DYTN: variants seen among roughly 807,000 people sequenced by gnomAD.
The protein encoded by DYTN is dystrotelin.
In DYTN, 75 loss-of-function variants were observed where a neutral mutation model predicts 69.6. That is an observed-to-expected ratio of 1.08 (90% CI 0.89 to 1.31). The LOEUF is 1.31. DYTN is among the 50% of genes most tolerant of loss of function. The pLI is 0.00. For missense variants in DYTN, 726 were observed against 688.4 expected (o/e 1.05, Z -0.61); for synonymous variants, 252 against 249.1 (o/e 1.01, Z -0.11).
At chr2:206,690,269 G>T (rs1166388290) in intron 9 of DYTN, among the ~76,000 whole-genome samples, 1 of 152,188 alleles carries the variant, frequency 6.6e-6, no homozygotes, top group Non-Finnish European at 1.5e-5. Flanking sequence ...AGCATGCCTG[G>T]TGTATTCATG....
At chr2:206,653,417 T>C (rs1038197485) in intron 11 of DYTN, among the ~76,000 whole-genome samples, 4 of 152,170 alleles carry the variant, frequency 2.6e-5, no homozygotes, top group Non-Finnish European at 5.9e-5. Context: ...ATATAGCACA[T>C]AGGCAGAGAC....
intron 9 of DYTN, chr2:206,670,559 G>C (rs560855641): frequency 4.0e-5 from 6 of 151,480 alleles, no homozygotes; most frequent in Non-Finnish European, 7.4e-5. Context: ...TGCTGACCAT[G>C]GTCTAGAGAA....
chr2:206,718,026 C>A (rs758936360), intron 1 of DYTN, among the ~76,000 whole-genome samples: 12 of 152,098 alleles, frequency 7.9e-5, no homozygotes, highest in Non-Finnish European at 1.5e-4. Flanking sequence ...GACATCAAGT[C>A]TTTTGTTAGA....
At chr2:206,717,754 C>T (rs576824853) in intron 1 of DYTN, among the ~76,000 whole-genome samples, 3 of 152,100 alleles carry the variant, frequency 2.0e-5, no homozygotes, top group Non-Finnish European at 4.4e-5. Context: ...AATAGAAATC[C>T]CACAGATCAG....
At position 206,690,980 on chromosome 2, in the gene DYTN, G is replaced by A. The variant is rs142084042; in HGVS notation, c.980+2195C>T. On this transcript the variant is annotated intron_variant, in intron 9 of 11. Coordinates refer to ENST00000452335, the MANE Select transcript of DYTN (RefSeq NM_001093730.1). Reference sequence around the variant, plus strand: ...AACTTTTCATTTTTAGCCTAAAAACGATGGGAAAACGATGGAGGAATTTGA... The same window carrying A: ...AACTTTTCATTTTTAGCCTAAAAACAATGGGAAAACGATGGAGGAATTTGA... Among the ~76,000 whole-genome samples, 67 of 152,292 alleles carry A rather than the reference G, an allele frequency of 4.4e-4. 1 individual carries two copies. The East Asian group carries it at 0.011, about 26-fold the overall frequency.
rs757238654 is a variant in DYTN, at chr2:206,668,290, T to C, written c.981-2261A>G. On this transcript the variant is annotated intron_variant, in intron 9 of 11. Transcript: ENST00000452335. ...GGCCTATCCACCAGGTCTGGACAAC[T>C]AGAAGACATAAATCCCTATCCTTCC... is the stretch of plus-strand genomic sequence containing the variant. 2.6e-5 allele frequency among the ~76,000 whole-genome samples: 4 copies of C among 152,326 alleles called. No homozygotes were observed. In the South Asian group the frequency reaches 6.2e-4, roughly 24 times the overall value.
rs199991903 is a variant in DYTN at position 206,705,828 on chromosome 2, T to C, written c.342A>G (p.Leu114=). The change falls in exon 4 of 12, where the codon CTA becomes CTG. Residue 114 remains leucine (L), a synonymous_variant. Transcript: ENST00000452335. ...FLQLMPAAAA[L]ITLSGDSPLS... ...GAGGGCTGTCTCCTGAGAGGGTTATTAGGGCAGCGGCCGCAGGCATAAGCT... is the reference window on the plus strand; with the variant it reads ...GAGGGCTGTCTCCTGAGAGGGTTATCAGGGCAGCGGCCGCAGGCATAAGCT... 6.8e-5 allele frequency: 109 copies of C among 1,613,904 alleles called. No homozygotes were observed. The highest frequency in any genetic ancestry group is 3.3e-4 in the Middle Eastern group (2 of 6,060).
intron 2 of DYTN, 59 bp downstream of exon 2, chr2:206,710,465 T>A: frequency 6.6e-7 from 1 of 1,506,504 alleles, no homozygotes; most frequent in Non-Finnish European, 9.1e-7. Context: ...TCTCTATGAA[T>A]TTTACATCGC....
chr2:206,682,753 C>T (rs1049130980), intron 9 of DYTN, among the ~76,000 whole-genome samples: 8 of 152,070 alleles, frequency 5.3e-5, no homozygotes, highest in Non-Finnish European at 1.2e-4. Flanking sequence ...TCAGAGACTT[C>T]TCAATTTTAA....
At chr2:206,654,360 A>G (rs1471873587) in intron 11 of DYTN, among the ~76,000 whole-genome samples, 1 of 152,196 alleles carries the variant, frequency 6.6e-6, no homozygotes, top group Non-Finnish European at 1.5e-5. Flanking sequence ...GATGATGAGG[A>G]TGAAGATCTT....
In DYTN at chr2:206,710,544, G is replaced by C. The variant is rs773374925; in HGVS notation, c.74C>G (p.Ser25Ter). 2 of 1,612,144 alleles carry C rather than the reference G, an allele frequency of 1.2e-6. No individual in the cohort carries two copies. Among genetic ancestry groups the C allele is most frequent in the East Asian group, 4.5e-5 (2 of 44,828 alleles). Residue 25 changes from serine (S) to a stop codon, truncating the protein, a stop_gained, in exon 2 of 12, where the codon TCA becomes TGA. Coordinates refer to ENST00000452335, the MANE Select transcript of DYTN (RefSeq NM_001093730.1). LOFTEE classifies it high-confidence loss of function. ...CTTACACTGGCACAGAGTTTGCACT[G>C]ATTGTAATTTGAAGGCTGTTCTATA... ...SIYRTAFKLQ[S>*]VQTLCQLDLI...
At chr2:206,682,495 T>G (rs760647839) in intron 9 of DYTN, among the ~76,000 whole-genome samples, 32 of 152,148 alleles carry the variant, frequency 2.1e-4, no homozygotes, top group Non-Finnish European at 1.2e-4. Flanking sequence ...CTTTCCTCTT[T>G]CTCAGTCTCC....
chr2:206,682,844 A>G (rs1298225562), intron 9 of DYTN, among the ~76,000 whole-genome samples: 1 of 152,176 alleles, frequency 6.6e-6, no homozygotes, highest in African/African-American at 2.4e-5. Context: ...TGGCAATCTT[A>G]TTCTTCTACT....
intron 9 of DYTN, among the ~76,000 whole-genome samples, chr2:206,679,435 T>A (rs781083424): frequency 1.3e-5 from 2 of 152,108 alleles, no homozygotes; most frequent in Non-Finnish European, 2.9e-5. Flanking sequence ...AATTCAGGGG[T>A]GACAGCAGAA....
intron 9 of DYTN, among the ~76,000 whole-genome samples, chr2:206,684,678 G>C (rs1216447856): frequency 6.6e-6 from 1 of 152,094 alleles, no homozygotes. Flanking sequence ...AGGGCCATTT[G>C]CAACTCTTCT....
At chr2:206,655,662 G>C (rs1008809272) in intron 11 of DYTN, among the ~76,000 whole-genome samples, 1 of 146,526 alleles carries the variant, frequency 6.8e-6, no homozygotes, top group African/African-American at 2.5e-5. Flanking sequence ...GGCCTCAATT[G>C]GTCCTCCCAC....
chr2:206,707,162 G>A (rs1700035261), intron 3 of DYTN, 140 bp downstream of exon 3: 2 of 1,034,316 alleles, frequency 1.9e-6, no homozygotes, highest in Non-Finnish European at 2.8e-6. Context: ...TACTCCTGAG[G>A]AATAAATTTG....
intron 9 of DYTN, among the ~76,000 whole-genome samples, chr2:206,674,594 C>T (rs1024557825): frequency 2.6e-5 from 4 of 151,938 alleles, no homozygotes; most frequent in African/African-American, 9.7e-5. Flanking sequence ...GCCATAAAAA[C>T]TCAAATGCTC....
chr2:206,703,528 A>G (rs140288006), intron 5 of DYTN, among the ~76,000 whole-genome samples: 1 of 152,160 alleles, frequency 6.6e-6, no homozygotes, highest in Non-Finnish European at 1.5e-5. Flanking sequence ...AAAAAAAATC[A>G]TTGCTCCATT....
Sources: allele counts gnomAD v4.1 joint callset (sites outside exome capture counted in the v4.1 genomes callset), GRCh38; gene constraint gnomAD v4.1.1; transcripts MANE v1.5; gene names NCBI Gene and HGNC (gene_info 2026-07-23, HGNC 2026-07-21).